Variants in OCIAD2 observed in about 807,000 individuals in gnomAD.
OCIAD2 encodes the protein OCIA domain containing 2.
OCIAD2 carries 29 observed loss-of-function variants against 22.9 expected under a neutral mutation model. That is an observed-to-expected ratio of 1.27 (90% CI 0.94 to 1.73). OCIAD2 has a LOEUF of 1.73. OCIAD2 is among the 40% of genes most tolerant of loss of function. The pLI is 0.00. For synonymous variants in OCIAD2, 67 were observed against 60.2 expected, an observed-to-expected ratio of 1.11 and a Z score of -0.52; for missense variants, 189 against 180.3, an observed-to-expected ratio of 1.05 and a Z score of -0.28.
At chr4:48,900,031 G>A (rs541129744) in intron 2 of OCIAD2, 106 bp from the exon 3 acceptor site, 56 of 726,002 alleles carry the variant, frequency 7.7e-5, no homozygotes, top group Non-Finnish European at 9.7e-5. Flanking sequence ...TACACAGTGT[G>A]TGTTCTCTAC....
chr4:48,886,792 A>T (rs1373212082), intron 6 of OCIAD2, among the ~76,000 whole-genome samples: 1 of 142,474 alleles, frequency 7.0e-6, no homozygotes, highest in African/African-American at 2.5e-5. Flanking sequence ...ATAGTGCCAC[A>T]ATAAACATAC....
chr4:48,893,951 G>C (rs1003252414), intron 5 of OCIAD2, 55 bp downstream of exon 5: 1 of 1,166,792 alleles, frequency 8.6e-7, no homozygotes, highest in Non-Finnish European at 1.2e-6. Flanking sequence ...CAAAGTGCTG[G>C]GATTACAGAT....
intron 6 of OCIAD2, among the ~76,000 whole-genome samples, chr4:48,886,572 T>C (rs931798446): frequency 2.7e-4 from 40 of 148,250 alleles, no homozygotes; most frequent in African/African-American, 9.4e-4. Context: ...TTCCCACCTA[T>C]GAGTGAGAAC....
rs148793753 is a variant in OCIAD2 at position 48,889,308 on chromosome 4, T to A, written c.383+3464A>T. Among the ~76,000 whole-genome samples the A allele has an allele frequency of 4.7e-3, 723 of 152,308 alleles. 2 individuals are homozygous for A. Among genetic ancestry groups the A allele is most frequent in the Middle Eastern group, 0.017 (5 of 294 alleles). ...AAACCAGTTCCTGGATTCATTGATT[T>A]TTTGAAGGGTTTTTTATGTCTCTAT... On this transcript the variant is annotated intron_variant, in intron 6 of 6. Coordinates refer to ENST00000508632, the MANE Select transcript of OCIAD2 (RefSeq NM_001014446.3).
chr4:48,902,029 A>G (rs1260265898), intron 2 of OCIAD2, among the ~76,000 whole-genome samples: 1 of 151,854 alleles, frequency 6.6e-6, no homozygotes, highest in Non-Finnish European at 1.5e-5. Context: ...GGCTTCCCAA[A>G]GTGCTGGGGT....
At chr4:48,904,230 T>A (rs1781478843) in intron 2 of OCIAD2, among the ~76,000 whole-genome samples, 1 of 152,102 alleles carries the variant, frequency 6.6e-6, no homozygotes, top group Admixed American at 6.5e-5. Context: ...GATAGGAGGA[T>A]TAATTGAGGC....
intron 1 of OCIAD2, 76 bp from the exon 2 acceptor site, chr4:48,904,687 C>G (rs1781491059): frequency 1.3e-6 from 1 of 792,608 alleles, no homozygotes; most frequent in Non-Finnish European, 2.1e-6. Context: ...TGAGGATCCA[C>G]TGGAGTTATT....
At chr4:48,897,740 C>G in intron 4 of OCIAD2, 64 bp downstream of exon 4, 1 of 1,247,842 alleles carries the variant, frequency 8.0e-7, no homozygotes. Context: ...CAAAAAGCTG[C>G]CAGGAGGGTC....
At chr4:48,888,024 T>G (rs572511211) in intron 6 of OCIAD2, among the ~76,000 whole-genome samples, 2,191 of 152,252 alleles carry the variant, frequency 0.014, 49 homozygotes, top group African/African-American at 0.05. Context: ...TGAGCAGTGG[T>G]TTGTAGTTCT....
At chr4:48,892,390 C>T (rs1781197008) in intron 6 of OCIAD2, among the ~76,000 whole-genome samples, 2 of 152,104 alleles carry the variant, frequency 1.3e-5, no homozygotes. Context: ...CTGCCTATTT[C>T]CCCTATTTAG....
intron 3 of OCIAD2, among the ~76,000 whole-genome samples, chr4:48,898,880 C>T (rs368314361): frequency 1.7e-4 from 26 of 152,184 alleles, no homozygotes; most frequent in African/African-American, 6.3e-4. Context: ...CTTTCTAGTT[C>T]AACAAAGACA....
intron 4 of OCIAD2, among the ~76,000 whole-genome samples, 167 bp downstream of exon 4, chr4:48,897,637 T>C (rs1444407578): frequency 1.3e-5 from 2 of 152,226 alleles, no homozygotes; most frequent in East Asian, 3.8e-4. Context: ...ATTCTGGGGA[T>C]TAGGATGCTT....
chr4:48,885,925 C>A (rs1248274010), intron 6 of OCIAD2, among the ~76,000 whole-genome samples: 1 of 152,184 alleles, frequency 6.6e-6, no homozygotes, highest in East Asian at 1.9e-4. Context: ...AGCTCTTTAG[C>A]TTAATAACAT....
At chr4:48,901,840 T>C (rs374246207) in intron 2 of OCIAD2, among the ~76,000 whole-genome samples, 1 of 152,172 alleles carries the variant, frequency 6.6e-6, no homozygotes, top group African/African-American at 2.4e-5. Flanking sequence ...ACTCCTGGGC[T>C]CAAGTTAACC....
intron 2 of OCIAD2, among the ~76,000 whole-genome samples, chr4:48,902,817 G>A (rs1781444378): frequency 6.6e-6 from 1 of 152,138 alleles, no homozygotes; most frequent in African/African-American, 2.4e-5. Context: ...GTCAGGCATG[G>A]CGGCAGGTGC....
intron 4 of OCIAD2, among the ~76,000 whole-genome samples, chr4:48,896,320 T>C (rs1781300704): frequency 6.6e-6 from 1 of 152,102 alleles, no homozygotes; most frequent in Admixed American, 6.5e-5. Context: ...CTGGGTGTGA[T>C]GGCTCATGCC....
intron 4 of OCIAD2, among the ~76,000 whole-genome samples, chr4:48,894,535 G>C (rs1781259657): frequency 6.6e-6 from 1 of 152,058 alleles, no homozygotes; most frequent in Admixed American, 6.6e-5. Context: ...ATTCTCAGTT[G>C]AATTGAACTC....
intron 6 of OCIAD2, among the ~76,000 whole-genome samples, chr4:48,889,611 T>G (rs1190497309): frequency 7.2e-5 from 11 of 152,244 alleles, no homozygotes; most frequent in East Asian, 1.9e-4. Context: ...AAACAACAGG[T>G]GCTGGAGAGG....
intron 2 of OCIAD2, among the ~76,000 whole-genome samples, chr4:48,903,715 G>A (rs1390528887): frequency 6.9e-6 from 1 of 145,272 alleles, no homozygotes; most frequent in Non-Finnish European, 1.5e-5. Flanking sequence ...GCCTGATCTC[G>A]GCTCACTGCA....
Sources: gnomAD v4.1 joint callset for allele counts (sites outside exome capture counted in the v4.1 genomes callset) on GRCh38, gnomAD v4.1.1 for gene constraint, MANE v1.5 for transcripts, NCBI Gene and HGNC (gene_info 2026-07-23, HGNC 2026-07-21) for gene names.